CHAT: variants seen among roughly 807,000 people sequenced by gnomAD.
CHAT encodes choline O-acetyltransferase, also known as acetyl CoA:choline O-acetyltransferase.
A neutral mutation model predicts 76.9 loss-of-function variants in CHAT; 61 were observed. The observed-to-expected ratio is 0.79, with a 90% CI of 0.65 to 0.98. CHAT has a LOEUF of 0.98. CHAT is among the 50% of genes least tolerant of loss of function. The probability of loss-of-function intolerance (pLI) is 0.00; values close to 1 mark genes in which losing one functional copy is unlikely to be tolerated. For missense variants in CHAT, 946 were observed against 986.9 expected (o/e 0.96, Z 0.56); for synonymous variants, 407 against 397.4 (o/e 1.02, Z -0.29).
At chr10:49,620,883 C>T (rs962904827) in intron 4 of CHAT, among the ~76,000 whole-genome samples, 6 of 152,248 alleles carry the variant, frequency 3.9e-5, no homozygotes, top group African/African-American at 1.4e-4. Flanking sequence ...AATATCCCCA[C>T]AGCCTCCACC....
intron 7 of CHAT, among the ~76,000 whole-genome samples, chr10:49,645,535 A>G (rs1284838714): frequency 6.6e-6 from 1 of 152,202 alleles, no homozygotes; most frequent in Non-Finnish European, 1.5e-5. Context: ...AAGAAATGGG[A>G]ACACGCAGCG....
At chr10:49,656,972 A>G (rs902445563) in intron 13 of CHAT, among the ~76,000 whole-genome samples, 2 of 152,138 alleles carry the variant, frequency 1.3e-5, no homozygotes, top group Non-Finnish European at 2.9e-5. Context: ...CAAAAACAAC[A>G]GCAAGGGATT....
chr10:49,616,780 CCTGG>C, intron 2 of CHAT, among the ~76,000 whole-genome samples, 178 bp downstream of exon 2: 1 of 152,336 alleles, frequency 6.6e-6, no homozygotes, highest in East Asian at 1.9e-4. Flanking sequence ...CCCAGAAGGG[CCTGG>C]AGGGGCTGAG....
chr10:49,617,833 C>A (rs1838554807), intron 2 of CHAT, among the ~76,000 whole-genome samples: 1 of 152,170 alleles, frequency 6.6e-6, no homozygotes, highest in African/African-American at 2.4e-5. Context: ...GGGATGCTGT[C>A]CAGATCCATC....
At chr10:49,632,989 C>T (rs1432965778) in intron 7 of CHAT, among the ~76,000 whole-genome samples, 1 of 152,220 alleles carries the variant, frequency 6.6e-6, no homozygotes, top group Non-Finnish European at 1.5e-5. Flanking sequence ...CAGGCCACTA[C>T]CAGTGTCCTC....
intron 13 of CHAT, among the ~76,000 whole-genome samples, chr10:49,660,552 A>G (rs759508519): frequency 1.8e-4 from 27 of 152,212 alleles, no homozygotes; most frequent in Non-Finnish European, 3.7e-4. Context: ...GAAAGAAAGT[A>G]TATACCCAAA....
In CHAT at chr10:49,616,529, G is replaced by A; in HGVS notation, c.314G>A (p.Gly105Glu). 6.2e-7 allele frequency: 1 copy of A among 1,613,028 alleles called. No homozygotes were observed. The highest frequency in any genetic ancestry group is 8.5e-7 in the Non-Finnish European group (1 of 1,179,470). Residue 105 changes from glycine (G) to glutamate (E), a missense_variant, in exon 2 of 15, where the codon GGA (glycine) becomes GAA (glutamate). By Grantham distance (98) the Gly-to-Glu change is moderately conservative. Around this residue, in one of 3 missense-constraint regions of CHAT, gnomAD observed 548 missense variants for 516.2 expected, o/e 1.06. Transcript: ENST00000337653. ...AGPHLCIPAP[G>E]LTKTPILEKV... ...CCACACCTCTGCATCCCTGCACCAGGACTCACCAAGACGCCCATCCTGGAA... is the reference window on the plus strand; with the variant it reads ...CCACACCTCTGCATCCCTGCACCAGAACTCACCAAGACGCCCATCCTGGAA...
rs1475329217 is a variant in CHAT, at chr10:49,627,833, C to A, written c.1111+48C>A. The A allele has an allele frequency of 3.1e-6, 5 of 1,590,372 alleles. No individual in the cohort carries two copies. The African/African-American group carries it at 5.4e-5, about 17-fold the overall frequency. On this transcript the variant is annotated intron_variant, in intron 7 of 14. Coordinates refer to ENST00000337653, the MANE Select transcript of CHAT (RefSeq NM_020549.5). ...TCTCCATGCCCATCTCATGCTCGTGCCCATTGGCTTTCCCTCCTCTAGGGT... is the reference window on the plus strand; with the variant it reads ...TCTCCATGCCCATCTCATGCTCGTGACCATTGGCTTTCCCTCCTCTAGGGT...
chr10:49,614,408 C>T lies in CHAT; in HGVS notation c.219C>T (p.His73=). Residue 73 remains histidine, a synonymous_variant, in exon 1 of 15, where the codon CAC becomes CAT. Transcript: ENST00000337653. ...CACGCCCCCCACCCCTTCCGGCTCA[C>T]ACCCCCGCCCACACTCCTGAGTGGT... The part of the protein sequence containing the change: ...AATRPPPLPA[H]TPAHTPEWCG... The T allele has an allele frequency of 2.6e-6, 4 of 1,547,182 alleles. No homozygotes were observed. Among genetic ancestry groups the T allele is most frequent in the Non-Finnish European group, 3.5e-6 (4 of 1,146,356 alleles).
At chr10:49,647,810 T>TCCTTCC (rs1839728923) in intron 8 of CHAT, 1 of 137,704 alleles carries the variant, frequency 7.3e-6, no homozygotes, top group African/African-American at 3.0e-5. Context: ...CTTCCTTCCT[T>TCCTTCC]TTAGTGACAG....
chr10:49,664,270 G>A (rs1362681447), intron 14 of CHAT, among the ~76,000 whole-genome samples: 2 of 152,156 alleles, frequency 1.3e-5, no homozygotes, highest in African/African-American at 2.4e-5. Flanking sequence ...CCCAACTCTG[G>A]GTAATTGTGC....
At chr10:49,640,449 A>G (rs1269891692) in intron 7 of CHAT, among the ~76,000 whole-genome samples, 1 of 151,650 alleles carries the variant, frequency 6.6e-6, no homozygotes, top group East Asian at 1.9e-4. Context: ...CAGGCACTTC[A>G]CTGGGTCTCT....
chr10:49,649,376 G>C, intron 9 of CHAT, 132 bp from the exon 10 acceptor site: 1 of 1,292,842 alleles, frequency 7.7e-7, no homozygotes, highest in South Asian at 1.2e-5. Context: ...GGTGGTTCAG[G>C]GGCAGCTCGT....
chr10:49,640,258 G>A (rs968632073), intron 7 of CHAT, among the ~76,000 whole-genome samples: 5 of 152,066 alleles, frequency 3.3e-5, no homozygotes, highest in South Asian at 2.1e-4. Flanking sequence ...TGCAGCCTCC[G>A]CCTCCCGTGT....
intron 7 of CHAT, among the ~76,000 whole-genome samples, chr10:49,642,890 T>C (rs1376039490): frequency 6.6e-6 from 1 of 152,242 alleles, no homozygotes; most frequent in African/African-American, 2.4e-5. Context: ...TCCTAGACTC[T>C]GCTCTGACCA....
upstream of CHAT, chr10:49,610,956 C>T: frequency 6.2e-7 from 1 of 1,610,804 alleles, no homozygotes; most frequent in Non-Finnish European, 8.5e-7. Context: ...AGGGCCCCAC[C>T]CGGACTCCCG....
intron 8 of CHAT, chr10:49,647,322 C>G (rs7094248): frequency 0.43 from 67,024 of 154,216 alleles, 15,494 homozygotes; most frequent in Non-Finnish European, 0.51. Context: ...AAGGTCAAAC[C>G]ATTCATTCCC....
intron 9 of CHAT, among the ~76,000 whole-genome samples, 188 bp downstream of exon 9, chr10:49,648,795 G>A (rs761145105): frequency 3.3e-5 from 5 of 152,064 alleles, no homozygotes; most frequent in East Asian, 3.9e-4. Flanking sequence ...GCGACATCAT[G>A]TGCTTCACGG....
intron 2 of CHAT, among the ~76,000 whole-genome samples, chr10:49,617,280 C>T (rs1320637127): frequency 6.6e-6 from 1 of 152,132 alleles, no homozygotes; most frequent in Non-Finnish European, 1.5e-5. Context: ...AATTCTGCAG[C>T]TGACAAACAT....
Sources: gnomAD v4.1 joint callset for allele counts (sites outside exome capture counted in the v4.1 genomes callset) on GRCh38, gnomAD v4.1.1 for gene constraint, gnomAD v4.1.1 regional missense constraint, MANE v1.5 for transcripts, NCBI Gene and HGNC (gene_info 2026-07-23, HGNC 2026-07-21) for gene names.